The following WASF3 variants were observed in gnomAD, a reference collection of about 807,000 sequenced individuals.
WASF3 encodes the protein actin-binding protein WASF3.
In WASF3, 11 loss-of-function variants were observed where a neutral mutation model predicts 46.6. That is an observed-to-expected ratio of 0.24 (90% CI 0.15 to 0.39). The LOEUF is 0.39. Ranked by LOEUF, WASF3 falls within the 10% of genes least tolerant of loss-of-function variation. The pLI is 1.00. For missense variants in WASF3, 576 were observed against 669.8 expected, an observed-to-expected ratio of 0.86 and a Z score of 1.55; for synonymous variants, 242 against 259.7, an observed-to-expected ratio of 0.93 and a Z score of 0.65.
intron 1 of WASF3, among the ~76,000 whole-genome samples, chr13:26,558,512 G>T (rs1197497764): frequency 6.7e-6 from 1 of 149,226 alleles, no homozygotes; most frequent in Non-Finnish European, 1.5e-5. Flanking sequence ...ATCCCCGGGG[G>T]TCTTTACCCG....
upstream of WASF3, among the ~76,000 whole-genome samples, chr13:26,553,174 G>A (rs190142775): frequency 3.4e-4 from 52 of 152,222 alleles, no homozygotes; most frequent in Admixed American, 4.6e-4. Flanking sequence ...CTGCATGCAC[G>A]GGATTTCACA....
intron 1 of WASF3, among the ~76,000 whole-genome samples, chr13:26,600,243 A>C (rs1385021809): frequency 2.0e-5 from 3 of 152,190 alleles, no homozygotes; most frequent in Non-Finnish European, 4.4e-5. Flanking sequence ...TTTCAAATAA[A>C]AGAAGAGAAG....
rs767463812 is a variant in WASF3 at position 26,642,313 on chromosome 13, C to T, written c.43C>T (p.Arg15Trp). Residue 15 changes from arginine (R) to tryptophan (W), a missense_variant, in exon 3 of 10, where the codon CGG (arginine) becomes TGG (tryptophan). Transcript: ENST00000335327. The stretch of plus-strand genomic sequence containing the variant: ...GAACATTGAGCCCCGGCACTTGTGC[C>T]GGGGAGCTCTGCCTGAAGGGATTAC... ...KRNIEPRHLC[R>W]GALPEGITSE... 9.3e-6 allele frequency: 15 copies of T among 1,605,260 alleles called. No individual in the cohort carries two copies. Among genetic ancestry groups the T allele is most frequent in the Middle Eastern group, 1.7e-4 (1 of 6,032 alleles).
At chr13:26,584,460 T>A (rs1880071963) in intron 1 of WASF3, among the ~76,000 whole-genome samples, 1 of 152,240 alleles carries the variant, frequency 6.6e-6, no homozygotes, top group South Asian at 2.1e-4. Flanking sequence ...AAATGAAGAC[T>A]ATATGGTCTC....
rs146991188 is a variant in WASF3 at position 26,682,910 on chromosome 13, G to A, written c.1287G>A (p.Arg429=). The change falls in exon 9 of 10, where the codon CGG becomes CGA. Residue 429 remains arginine (R), a synonymous_variant. Coordinates refer to ENST00000335327, the MANE Select transcript of WASF3 (RefSeq NM_006646.6). The surrounding 1 kb of genome is among the most constrained non-coding windows in gnomAD (Gnocchi z 4.4). The part of the protein sequence containing the change: ...MHGPPVAEAK[R]QEPAQPPISD... ...GCCCCCCAGTAGCTGAGGCGAAGCG[G>A]CAAGAGCCTGCACAGCCACCAATCA... 2,474 of 1,610,602 alleles carry A rather than the reference G, an allele frequency of 1.5e-3. 7 individuals are homozygous for A. Among genetic ancestry groups the A allele is most frequent in the Non-Finnish European group, 1.8e-3 (2,175 of 1,179,992 alleles).
At chr13:26,625,774 A>G (rs1285230310) in intron 2 of WASF3, among the ~76,000 whole-genome samples, 4 of 152,352 alleles carry the variant, frequency 2.6e-5, no homozygotes, top group South Asian at 2.1e-4. Flanking sequence ...ATGAACCATT[A>G]CATTATTCTA....
At chr13:26,614,958 T>TGTGCCAC (rs1415882994) in intron 2 of WASF3, among the ~76,000 whole-genome samples, 3 of 151,782 alleles carry the variant, frequency 2.0e-5, no homozygotes, top group Non-Finnish European at 1.5e-5. Context: ...CAGACTGTTG[T>TGTGCCAC]TGTAGGTGGC....
chr13:26,609,006 T>G (rs1405479678), intron 1 of WASF3, among the ~76,000 whole-genome samples: 1 of 152,196 alleles, frequency 6.6e-6, no homozygotes, highest in South Asian at 2.1e-4. Flanking sequence ...AATAGAGCTA[T>G]ATCTCGAGCT....
At chr13:26,642,834 A>G (rs1195466343) in intron 3 of WASF3, among the ~76,000 whole-genome samples, 2 of 152,222 alleles carry the variant, frequency 1.3e-5, no homozygotes, top group African/African-American at 4.8e-5. Context: ...TACTTAATAA[A>G]TATCTGTTGA....
intron 1 of WASF3, among the ~76,000 whole-genome samples, chr13:26,583,954 A>T (rs371568032): frequency 2.0e-4 from 31 of 152,212 alleles, no homozygotes; most frequent in Admixed American, 1.4e-3. Flanking sequence ...TGAAAACTCA[A>T]TTCAGTGAAG....
At position 26,639,341 on chromosome 13, in the gene WASF3, A is replaced by G. The variant is rs560184591; in HGVS notation, c.-10-2920A>G. Among the ~76,000 whole-genome samples the G allele has an allele frequency of 2.6e-5, 4 of 152,372 alleles. No homozygotes were observed. The East Asian group carries it at 5.8e-4, about 22-fold the overall frequency. ...TGGGGATTAATTAGTCAAAGCTGAA[A>G]TACTGCAACAACAATATATGAAGTA... On this transcript the variant is annotated intron_variant, in intron 2 of 9. Transcript: ENST00000335327.
intron 1 of WASF3, among the ~76,000 whole-genome samples, chr13:26,605,067 T>C (rs538152688): frequency 2.4e-4 from 36 of 152,280 alleles, no homozygotes; most frequent in African/African-American, 7.0e-4. Context: ...GCTTCCACCC[T>C]CAGGACCTCT....
At chr13:26,595,582 T>C (rs1257326741) in intron 1 of WASF3, among the ~76,000 whole-genome samples, 1 of 151,784 alleles carries the variant, frequency 6.6e-6, no homozygotes, top group Non-Finnish European at 1.5e-5. Context: ...TGTAGATTCG[T>C]ATAACCGCTG....
chr13:26,634,510 A>G (rs1279403788), intron 2 of WASF3, among the ~76,000 whole-genome samples: 1 of 152,162 alleles, frequency 6.6e-6, no homozygotes, highest in Non-Finnish European at 1.5e-5. Flanking sequence ...TTGTTATGTG[A>G]CAATTTGATC....
intron 1 of WASF3, among the ~76,000 whole-genome samples, chr13:26,561,812 G>A (rs905246132): frequency 6.6e-6 from 1 of 152,158 alleles, no homozygotes; most frequent in African/African-American, 2.4e-5. Flanking sequence ...GGTGGTTGCT[G>A]TAGCACGTGA....
chr13:26,539,860 T>C, the WASF3 span, among the ~76,000 whole-genome samples: 1 of 152,204 alleles, frequency 6.6e-6, no homozygotes, highest in African/African-American at 2.4e-5. Context: ...CTGGTTTTCC[T>C]GGGATATCTT....
intron 2 of WASF3, among the ~76,000 whole-genome samples, chr13:26,614,883 C>T (rs1040354563): frequency 1.3e-5 from 2 of 151,880 alleles, no homozygotes; most frequent in Admixed American, 6.6e-5. Context: ...CTGCTTGCCA[C>T]GCCATCTGCT....
At chr13:26,667,700 C>G (rs1400687387) in intron 5 of WASF3, 30 bp downstream of exon 5, 1 of 1,606,148 alleles carries the variant, frequency 6.2e-7, no homozygotes, top group Non-Finnish European at 8.5e-7. Context: ...AGAGCCTCTC[C>G]TTGAGATGAG....
rs369514529 is a variant in WASF3, at chr13:26,647,527, A to G, written c.133+5124A>G. Among the ~76,000 whole-genome samples, 6 of 152,328 alleles carry G rather than the reference A, an allele frequency of 3.9e-5. No individual in the cohort carries two copies. In the East Asian group the frequency reaches 9.6e-4, roughly 24 times the overall value. ...CAGCTAGTTGATCAATTAAAATCACAGTATCTTGTAATCAGATTCCTACTG... is the reference window on the plus strand; with the variant it reads ...CAGCTAGTTGATCAATTAAAATCACGGTATCTTGTAATCAGATTCCTACTG... On this transcript the variant is annotated intron_variant, in intron 3 of 9. Transcript: ENST00000335327.
Sources: gnomAD v4.1 joint callset for allele counts (sites outside exome capture counted in the v4.1 genomes callset) on GRCh38, gnomAD v4.1.1 for gene constraint, Gnocchi (gnomAD v3.1) non-coding constraint, MANE v1.5 for transcripts, NCBI Gene and HGNC (gene_info 2026-07-23, HGNC 2026-07-21) for gene names.